The following ZP3 variants were observed in gnomAD, a reference collection of about 807,000 sequenced individuals.
ZP3 encodes the protein zona pellucida sperm-binding protein 3.
Under a neutral mutation model 35.6 loss-of-function variants are expected in ZP3, and 21 were observed. That is an observed-to-expected ratio of 0.59 (90% CI 0.42 to 0.85). ZP3 has a LOEUF of 0.85. Ranked by LOEUF, ZP3 falls within the 40% of genes least tolerant of loss-of-function variation. ZP3 has a pLI of 0.00. For synonymous variants in ZP3, 207 were observed against 214.5 expected, an observed-to-expected ratio of 0.96 and a Z score of 0.31; for missense variants, 437 against 536.5, an observed-to-expected ratio of 0.81 and a Z score of 1.83.
At chr7:76,415,102 G>C (rs1393207288) in intron 1 of ZP3, among the ~76,000 whole-genome samples, 1 of 151,356 alleles carries the variant, frequency 6.6e-6, no homozygotes, top group Non-Finnish European at 1.5e-5. Context: ...GAGGCCCAGC[G>C]CGGTGGCTCA....
intron 7 of ZP3, among the ~76,000 whole-genome samples, chr7:76,441,470 CCT>C (rs1301601071): frequency 6.6e-6 from 1 of 151,878 alleles, no homozygotes; most frequent in African/African-American, 2.4e-5. Context: ...CTCACTGAAA[CCT>C]CTACCTCCCA....
chr7:76,398,861 T>C lies in ZP3; in HGVS notation c.-67+1064T>C, dbSNP rs185386492. The C allele has an allele frequency of 4.8e-5, 75 of 1,560,436 alleles. No individual in the cohort carries two copies. The African/African-American group carries it at 8.2e-4, about 17-fold the overall frequency. On this transcript the variant is annotated intron_variant, in intron 1 of 8. Transcript: ENST00000336517. Reference sequence around the variant, plus strand: ...TCTCCATCCTCACACCACGGGGTGTTTAAGGGGCAGGAGGATGGACCCATA... The same window carrying C: ...TCTCCATCCTCACACCACGGGGTGTCTAAGGGGCAGGAGGATGGACCCATA...
chr7:76,410,999 G>GAAA (rs977138723), intron 1 of ZP3, among the ~76,000 whole-genome samples: 2 of 80,284 alleles, frequency 2.5e-5, no homozygotes, highest in Non-Finnish European at 5.4e-5. Flanking sequence ...CATCTCAAAA[G>GAAA]AAAAAAAAAA....
Position 76,406,477 on chromosome 7 carries a change from G to T in ZP3, c.-67+8680G>T, listed in dbSNP as rs1169710496. On this transcript the variant is annotated intron_variant, in intron 1 of 8. Transcript: ENST00000336517. ...ATTAATTAATTTTTTTTACTTTAAA[G>T]AATTTTTTTATTTTTTATTTTTTAC... 4.0e-5 allele frequency among the ~76,000 whole-genome samples: 6 copies of T among 151,632 alleles called. No individual in the cohort carries two copies. The East Asian group carries it at 5.8e-4, about 15-fold the overall frequency.
intron 1 of ZP3, chr7:76,401,020 G>A (rs1251400858): frequency 6.5e-7 from 1 of 1,550,372 alleles, no homozygotes; most frequent in African/African-American, 1.4e-5. Flanking sequence ...TGAAAGGGCA[G>A]TGGAGTGGGC....
At chr7:76,417,909 T>G (rs1805413061) in intron 1 of ZP3, among the ~76,000 whole-genome samples, 1 of 151,608 alleles carries the variant, frequency 6.6e-6, no homozygotes, top group Non-Finnish European at 1.5e-5. Flanking sequence ...CCACCATGTC[T>G]GGCCTTTAAT....
chr7:76,426,645 G>A (rs1033278645), intron 1 of ZP3, among the ~76,000 whole-genome samples: 5 of 151,652 alleles, frequency 3.3e-5, no homozygotes, highest in African/African-American at 1.2e-4. Context: ...CAGGTGCCTG[G>A]CTCCCCCCCC....
chr7:76,420,335 T>C (rs974696458), upstream of ZP3, among the ~76,000 whole-genome samples: 1 of 152,184 alleles, frequency 6.6e-6, no homozygotes, highest in South Asian at 2.1e-4. Flanking sequence ...ATGTTCTTTT[T>C]CTGCAAAAAC....
In ZP3 at chr7:76,425,218, A is replaced by G; in HGVS notation, c.254A>G (p.Asp85Gly). The change falls in exon 1 of 8, where the codon GAC becomes GGC. Residue 85 changes from aspartate (D) to glycine (G), a missense_variant. By Grantham distance (94) the Asp-to-Gly change is moderately conservative (BLOSUM62 -1). Coordinates refer to ENST00000394857, the MANE Select transcript of ZP3 (RefSeq NM_001110354.2). ...PEACEPLVSM[D>G]TEDVVRFEVG... ...GCCTGTGAGCCTCTGGTCTCCATGG[A>G]CACAGAAGATGTGGTCAGGTTTGAG... is the stretch of plus-strand genomic sequence containing the variant. The G allele has an allele frequency of 6.2e-7, 1 of 1,613,880 alleles. No individual in the cohort carries two copies. The highest frequency in any genetic ancestry group is 8.5e-7 in the Non-Finnish European group (1 of 1,179,996).
intron 1 of ZP3, chr7:76,429,079 G>T: frequency 4.7e-6 from 1 of 213,532 alleles, no homozygotes; most frequent in Non-Finnish European, 9.5e-6. Flanking sequence ...TGTATGTACT[G>T]GGGGGCATGG....
chr7:76,436,030 C>T (rs1805991711), intron 5 of ZP3, among the ~76,000 whole-genome samples: 23 of 74,360 alleles, frequency 3.1e-4, no homozygotes, highest in Non-Finnish European at 2.1e-4. Context: ...CCCCCGCCCC[C>T]TTTTTTTTTT....
exon 1 of ZP3, chr7:76,397,606 G>A (rs761109308): frequency 2.5e-6 from 4 of 1,610,214 alleles, no homozygotes; most frequent in South Asian, 1.1e-5. Context: ...GGGGCTCGCC[G>A]CCTTCGCAGT....
intron 7 of ZP3, 104 bp downstream of exon 7, chr7:76,440,715 A>T: frequency 6.6e-7 from 1 of 1,515,216 alleles, no homozygotes; most frequent in Non-Finnish European, 8.8e-7. Flanking sequence ...CTCCATTAAA[A>T]CTGTTTGTAC....
At chr7:76,439,145 A>C (rs77246406) in intron 5 of ZP3, among the ~76,000 whole-genome samples, 966 of 129,358 alleles carry the variant, frequency 7.5e-3, no homozygotes, top group Middle Eastern at 0.033. Context: ...AAAAAAAAAA[A>C]AAAAAACCTC....
At chr7:76,427,265 C>G (rs1805695842) in intron 1 of ZP3, among the ~76,000 whole-genome samples, 1 of 152,140 alleles carries the variant, frequency 6.6e-6, no homozygotes, top group African/African-American at 2.4e-5. Context: ...GCCTGTAATC[C>G]CAGCACTTTG....
chr7:76,418,550 CAAAAAAAA>C (rs1203476650), intron 1 of ZP3, among the ~76,000 whole-genome samples: 2 of 30,040 alleles, frequency 6.7e-5, no homozygotes, highest in East Asian at 1.6e-3. Context: ...GATTTCATCT[CAAAAAAAA>C]AAAAAAAAAA....
chr7:76,409,363 A>G (rs1478433680), intron 1 of ZP3: 1 of 150,266 alleles, frequency 6.7e-6, no homozygotes, highest in Non-Finnish European at 1.5e-5. Context: ...ACACACATGC[A>G]TGCACACGCA....
chr7:76,431,741 TACAA>T (rs1489126927), intron 2 of ZP3, among the ~76,000 whole-genome samples: 2 of 152,000 alleles, frequency 1.3e-5, no homozygotes, highest in Non-Finnish European at 2.9e-5. Context: ...CTACTAAAAA[TACAA>T]AAAATTAGCC....
chr7:76,397,669 G>C, exon 1 of ZP3: 1 of 1,613,548 alleles, frequency 6.2e-7, no homozygotes, highest in South Asian at 1.1e-5. Context: ...AGGCGTTGGT[G>C]GTGGCGGCCA....
Sources: gnomAD v4.1 joint callset for allele counts (sites outside exome capture counted in the v4.1 genomes callset) on GRCh38, gnomAD v4.1.1 for gene constraint, MANE v1.5 for transcripts, NCBI Gene and HGNC (gene_info 2026-07-23, HGNC 2026-07-21) for gene names.